PCCB: variants seen among roughly 807,000 people sequenced by gnomAD.
PCCB encodes propionyl-CoA carboxylase beta chain, mitochondrial.
A neutral mutation model predicts 60.7 loss-of-function variants in PCCB; 43 were observed. The ratio of observed to expected loss-of-function variants is 0.71; its 90% CI spans 0.55 to 0.91. The LOEUF (loss-of-function observed/expected upper bound fraction) is 0.91. Among genes scored for constraint, PCCB ranks in the 40% least tolerant of loss-of-function variants. The pLI is 0.00. For missense variants in PCCB, 766 were observed against 702.8 expected, an observed-to-expected ratio of 1.09 and a Z score of -1.02; for synonymous variants, 276 against 255.9, an observed-to-expected ratio of 1.08 and a Z score of -0.75.
intron 5 of PCCB, among the ~76,000 whole-genome samples, chr3:136,267,944 C>CTTTTT (rs1190834904): frequency 2.9e-5 from 3 of 103,462 alleles, no homozygotes; most frequent in Non-Finnish European, 6.0e-5. Flanking sequence ...AGGTTTGGCT[C>CTTTTT]TTTTTTTTTT....
At chr3:136,290,327 A>C (rs1933616863) in intron 6 of PCCB, among the ~76,000 whole-genome samples, 1 of 152,134 alleles carries the variant, frequency 6.6e-6, no homozygotes, top group South Asian at 2.1e-4. Context: ...CTTTCCCCTC[A>C]ACACTTTAAA....
chr3:136,296,862 A>G (rs1933963297), intron 7 of PCCB, among the ~76,000 whole-genome samples: 1 of 152,272 alleles, frequency 6.6e-6, no homozygotes, highest in African/African-American at 2.4e-5. Flanking sequence ...ATATTCATCG[A>G]GTACCTATGT....
At chr3:136,288,771 C>T (rs1933540363) in intron 6 of PCCB, among the ~76,000 whole-genome samples, 1 of 152,102 alleles carries the variant, frequency 6.6e-6, no homozygotes, top group African/African-American at 2.4e-5. Context: ...GGATTACAGG[C>T]ACATGCCAAC....
chr3:136,280,159 T>C (rs997841421), intron 5 of PCCB, among the ~76,000 whole-genome samples: 2 of 152,186 alleles, frequency 1.3e-5, no homozygotes, highest in South Asian at 2.1e-4. Context: ...CATGACCTCA[T>C]GTTACTGTCT....
At chr3:136,256,832 G>A (rs1941683598) in intron 3 of PCCB, among the ~76,000 whole-genome samples, 1 of 152,158 alleles carries the variant, frequency 6.6e-6, no homozygotes, top group Non-Finnish European at 1.5e-5. Flanking sequence ...GGATCACAGG[G>A]CACTAGCCTT....
chr3:136,311,559 C>T (rs184220899), intron 9 of PCCB, among the ~76,000 whole-genome samples: 100 of 152,110 alleles, frequency 6.6e-4, no homozygotes, highest in African/African-American at 2.3e-3. Context: ...AGGCTGGTCT[C>T]GAACTCTTGG....
Position 136,330,086 on chromosome 3 carries a change from C to T in PCCB, c.*60C>T. ...ACTGTCTGCCCATTCACATCCCATTCCTGCCTTTTGCAATCATGAAACCTG... is the reference window on the plus strand; with the variant it reads ...ACTGTCTGCCCATTCACATCCCATTTCTGCCTTTTGCAATCATGAAACCTG... On this transcript the variant is annotated 3_prime_UTR_variant, in exon 15 of 15. Coordinates refer to ENST00000251654, the MANE Select transcript of PCCB (RefSeq NM_000532.5). The T allele has an allele frequency of 1.9e-6, 3 of 1,611,788 alleles. No homozygotes were observed. Among genetic ancestry groups the T allele is most frequent in the Non-Finnish European group, 2.5e-6 (3 of 1,178,764 alleles).
At chr3:136,318,199 G>C (rs1017422766) in intron 10 of PCCB, among the ~76,000 whole-genome samples, 7 of 152,206 alleles carry the variant, frequency 4.6e-5, no homozygotes, top group Non-Finnish European at 8.8e-5. Context: ...CAAAAAATGA[G>C]CTGGGCGTGG....
chr3:136,273,672 C>T (rs1186051620), intron 5 of PCCB, among the ~76,000 whole-genome samples: 1 of 124,506 alleles, frequency 8.0e-6, no homozygotes, highest in Non-Finnish European at 1.6e-5. Flanking sequence ...AGCTACTTTG[C>T]GAGGCCAAGA....
chr3:136,314,081 T>C (rs577534990), intron 9 of PCCB, among the ~76,000 whole-genome samples: 13 of 152,062 alleles, frequency 8.5e-5, no homozygotes, highest in South Asian at 4.2e-4. Flanking sequence ...TTTGGAGAAA[T>C]GGCTGATTGT....
intron 14 of PCCB, among the ~76,000 whole-genome samples, chr3:136,329,320 T>TAG (rs1197280241): frequency 3.3e-5 from 5 of 152,154 alleles, no homozygotes; most frequent in Non-Finnish European, 7.4e-5. Flanking sequence ...GTAGTTGCTG[T>TAG]TAGCTAGACT....
intron 6 of PCCB, among the ~76,000 whole-genome samples, chr3:136,289,079 A>G (rs978779096): frequency 6.6e-6 from 1 of 152,090 alleles, no homozygotes; most frequent in African/African-American, 2.4e-5. Flanking sequence ...GGCTGGTCTT[A>G]ACCCCTGGCC....
chr3:136,293,087 G>C (rs1576334297), intron 6 of PCCB, among the ~76,000 whole-genome samples: 3 of 152,116 alleles, frequency 2.0e-5, no homozygotes, highest in Non-Finnish European at 4.4e-5. Context: ...AGCAATCATA[G>C]CTCACTGCAA....
intron 6 of PCCB, among the ~76,000 whole-genome samples, chr3:136,286,083 C>T (rs1153877): frequency 0.37 from 56,206 of 152,076 alleles, 12,844 homozygotes; most frequent in East Asian, 0.81. Flanking sequence ...ATAACTAAAA[C>T]TGTCTGAAGA....
chr3:136,326,496 G>C (rs556545909), intron 10 of PCCB: 9 of 667,356 alleles, frequency 1.3e-5, no homozygotes, highest in African/African-American at 7.1e-5. Context: ...ACCAGCCCTT[G>C]AATGCTGCCT....
At chr3:136,309,455 C>T (rs994852811) in intron 9 of PCCB, among the ~76,000 whole-genome samples, 3 of 151,876 alleles carry the variant, frequency 2.0e-5, no homozygotes, top group Non-Finnish European at 2.9e-5. Flanking sequence ...ACAGTAAAAG[C>T]AGAAGTATGA....
At chr3:136,300,073 T>G (rs1422824860) in intron 8 of PCCB, among the ~76,000 whole-genome samples, 1 of 146,768 alleles carries the variant, frequency 6.8e-6, no homozygotes, top group African/African-American at 2.7e-5. Flanking sequence ...TCAACACATA[T>G]ATGCATATAC....
chr3:136,317,165 C>T, intron 10 of PCCB, 101 bp downstream of exon 10: 1 of 1,083,336 alleles, frequency 9.2e-7, no homozygotes, highest in Non-Finnish European at 1.4e-6. Flanking sequence ...TCAGACATGG[C>T]CTTCCATGAC....
At chr3:136,250,642 TC>T (rs1244573430) in intron 1 of PCCB, 84 bp downstream of exon 1, 7 of 1,348,940 alleles carry the variant, frequency 5.2e-6, no homozygotes, top group Non-Finnish European at 7.1e-6. Context: ...GTCCGAGGCC[TC>T]CCTGCCAATC....
Sources: gnomAD v4.1 joint callset for allele counts (sites outside exome capture counted in the v4.1 genomes callset) on GRCh38, gnomAD v4.1.1 for gene constraint, MANE v1.5 for transcripts, NCBI Gene and HGNC (gene_info 2026-07-23, HGNC 2026-07-21) for gene names.